The following DLGAP1 variants were observed in gnomAD, a reference collection of about 807,000 sequenced individuals.
The protein encoded by DLGAP1 is DLG associated protein 1, also known as disks large-associated protein 1.
In DLGAP1, 11 loss-of-function variants were observed where a neutral mutation model predicts 90.8. The ratio of observed to expected loss-of-function variants is 0.12; its 90% confidence interval spans 0.08 to 0.20. DLGAP1 has a LOEUF of 0.20. DLGAP1 is among the 10% of genes least tolerant of loss of function. The pLI is 1.00. For synonymous variants in DLGAP1, 558 were observed against 540.7 expected (o/e 1.03, Z -0.44); for missense variants, 1,050 against 1,333.8 (o/e 0.79, Z 3.31).
intron 5 of DLGAP1, among the ~76,000 whole-genome samples, chr18:3,782,247 C>T (rs1240806473): frequency 6.6e-6 from 1 of 152,038 alleles, no homozygotes. Flanking sequence ...AGCAATTCTC[C>T]TGCCTCAGCT....
intron 1 of DLGAP1, among the ~76,000 whole-genome samples, chr18:4,301,591 G>T (rs2080127082): frequency 6.6e-6 from 1 of 152,216 alleles, no homozygotes; most frequent in Non-Finnish European, 1.5e-5. Flanking sequence ...TGTGAACAAT[G>T]CTGCAGTGAA....
chr18:3,808,738 G>A (rs962538434), intron 5 of DLGAP1, among the ~76,000 whole-genome samples: 1 of 152,022 alleles, frequency 6.6e-6, no homozygotes, highest in African/African-American at 2.4e-5. Context: ...TAGGTAGGTA[G>A]GAGGGGAGTG....
intron 2 of DLGAP1, among the ~76,000 whole-genome samples, chr18:4,005,888 T>C (rs1215111134): frequency 6.6e-6 from 1 of 152,236 alleles, no homozygotes; most frequent in African/African-American, 2.4e-5. Context: ...TTGACACGGA[T>C]GCCTAGGAAC....
chr18:4,061,863 T>C (rs1355532679), intron 2 of DLGAP1, among the ~76,000 whole-genome samples: 1 of 152,202 alleles, frequency 6.6e-6, no homozygotes, highest in African/African-American at 2.4e-5. Context: ...AGACAGTTTT[T>C]GTCTTGTTTT....
intron 7 of DLGAP1, chr18:3,596,910 A>G (rs202013794): frequency 2.9e-5 from 15 of 519,926 alleles, no homozygotes; most frequent in Admixed American, 1.9e-4. Flanking sequence ...TAGCAGGCCA[A>G]ATCCTAATCT....
At chr18:3,951,811 T>A (rs2072991096) in intron 3 of DLGAP1, among the ~76,000 whole-genome samples, 1 of 152,184 alleles carries the variant, frequency 6.6e-6, no homozygotes, top group South Asian at 2.1e-4. Context: ...CTTGTTGCTT[T>A]GTGAAGAGAG....
chr18:4,271,466 C>A (rs1320003766), intron 1 of DLGAP1, among the ~76,000 whole-genome samples: 1 of 152,052 alleles, frequency 6.6e-6, no homozygotes, highest in Non-Finnish European at 1.5e-5. Context: ...AAGAATACTG[C>A]AAATAAGAAA....
At chr18:4,296,459 C>A (rs1049845714) in intron 1 of DLGAP1, among the ~76,000 whole-genome samples, 3 of 152,204 alleles carry the variant, frequency 2.0e-5, no homozygotes. Flanking sequence ...CTCAAATGAA[C>A]CACGTGCTTG....
chr18:3,687,523 G>A (rs1203945421), intron 7 of DLGAP1, among the ~76,000 whole-genome samples: 2 of 151,972 alleles, frequency 1.3e-5, no homozygotes, highest in African/African-American at 4.8e-5. Context: ...ACAAGAAATT[G>A]GCTTACAAAT....
At chr18:3,851,568 A>G (rs975626204) in intron 4 of DLGAP1, among the ~76,000 whole-genome samples, 11 of 152,210 alleles carry the variant, frequency 7.2e-5, no homozygotes, top group Non-Finnish European at 1.0e-4. Flanking sequence ...GGAGTAATAT[A>G]CAAGTAATAC....
chr18:4,341,013 T>C (rs2081177673), intron 1 of DLGAP1, among the ~76,000 whole-genome samples: 1 of 152,012 alleles, frequency 6.6e-6, no homozygotes, highest in East Asian at 1.9e-4. Flanking sequence ...AGATTACATA[T>C]GAAATAATGC....
chr18:3,972,919 CA>C (rs746752524), intron 3 of DLGAP1, among the ~76,000 whole-genome samples: 2 of 152,176 alleles, frequency 1.3e-5, no homozygotes, highest in Non-Finnish European at 2.9e-5. Context: ...GCCCATAGGG[CA>C]GAGGACTTTT....
Position 3,628,155 on chromosome 18 carries a change from C to T in DLGAP1, c.1592-45907G>A, listed in dbSNP as rs190646350. On this transcript the variant is annotated intron_variant, in intron 7 of 12. Transcript: ENST00000315677. The stretch of plus-strand genomic sequence containing the variant: ...CCTCCCAAAGTGGTGGGATTACAGG[C>T]GTGAGCCACTGCGCCTGGCCTTGTG... Among the ~76,000 whole-genome samples, 16 of 149,972 alleles carry T rather than the reference C, an allele frequency of 1.1e-4. No homozygotes were observed. The East Asian group carries it at 1.8e-3, about 17-fold the overall frequency.
At position 3,729,475 on chromosome 18, in the gene DLGAP1, G is replaced by A; in HGVS notation, c.1351-100C>T. 1 of 1,480,686 alleles carries A rather than the reference G, an allele frequency of 6.8e-7. No homozygotes were observed. Among genetic ancestry groups the A allele is most frequent in the Non-Finnish European group, 9.1e-7 (1 of 1,100,278 alleles). 91.7% of individuals were successfully genotyped at this position (1,480,686 alleles called of 1,614,324 possible). ...TTCAATCCCCAGAAGAAAAAGCAGC[G>A]TCTGGTTAGATTAAGCTCAAATGCA... On this transcript the variant is annotated intron_variant, in intron 6 of 12. Transcript: ENST00000315677. The surrounding 1 kb of genome is among the most constrained non-coding windows in gnomAD (Gnocchi z 6.2).
rs563348742 is a variant in DLGAP1 at position 4,412,776 on chromosome 18, G to A, written c.-267+42230C>T. 5.8e-4 allele frequency among the ~76,000 whole-genome samples: 88 copies of A among 152,308 alleles called. 2 individuals are homozygous for A. The South Asian group carries it at 0.017, about 30-fold the overall frequency. On this transcript the variant is annotated intron_variant, in intron 1 of 12. Transcript: ENST00000315677. ...AAGAAAAAGAAAAACATACAGAGAAGTGAACACGATAGAGTATAGATTCCA... is the reference window on the plus strand; with the variant it reads ...AAGAAAAAGAAAAACATACAGAGAAATGAACACGATAGAGTATAGATTCCA...
chr18:3,960,445 C>A (rs938601468), intron 3 of DLGAP1, among the ~76,000 whole-genome samples: 2 of 152,018 alleles, frequency 1.3e-5, no homozygotes, highest in Non-Finnish European at 1.5e-5. Context: ...TACCTATAGT[C>A]CCAGCTAATG....
intron 1 of DLGAP1, among the ~76,000 whole-genome samples, chr18:4,440,877 C>T (rs1038895546): frequency 6.6e-6 from 1 of 152,178 alleles, no homozygotes; most frequent in African/African-American, 2.4e-5. Flanking sequence ...AATATAGCAA[C>T]ACTCTAGTAT....
At chr18:4,192,894 A>C (rs2077427642) in intron 1 of DLGAP1, among the ~76,000 whole-genome samples, 1 of 152,212 alleles carries the variant, frequency 6.6e-6, no homozygotes, top group Non-Finnish European at 1.5e-5. Flanking sequence ...AGAGGCAAAG[A>C]CAGGAATTAC....
intron 1 of DLGAP1, among the ~76,000 whole-genome samples, chr18:4,153,656 AAC>A (rs1322616795): frequency 6.6e-6 from 1 of 152,218 alleles, no homozygotes; most frequent in Non-Finnish European, 1.5e-5. Flanking sequence ...TCTCATTAGC[AAC>A]AATTTACACA....
Sources: gnomAD v4.1 joint callset for allele counts (sites outside exome capture counted in the v4.1 genomes callset) on GRCh38, gnomAD v4.1.1 for gene constraint, Gnocchi (gnomAD v3.1) non-coding constraint, MANE v1.5 for transcripts, NCBI Gene and HGNC (gene_info 2026-07-23, HGNC 2026-07-21) for gene names.